The following PLIN3 variants were observed in gnomAD, a reference collection of about 807,000 sequenced individuals.
PLIN3 encodes the protein perilipin 3.
Under a neutral mutation model 35.9 loss-of-function variants are expected in PLIN3, and 30 were observed. That is an observed-to-expected ratio of 0.84 (90% confidence interval 0.62 to 1.13). The LOEUF (loss-of-function observed/expected upper bound fraction) is 1.13. Among genes scored for constraint, PLIN3 ranks in the 50% most tolerant of loss-of-function variants. The probability of loss-of-function intolerance (pLI) is 0.00; values close to 1 mark genes in which losing one functional copy is unlikely to be tolerated. For missense variants in PLIN3, 603 were observed against 596.9 expected, an observed-to-expected ratio of 1.01 and a Z score of -0.11; for synonymous variants, 261 against 262.5, an observed-to-expected ratio of 0.99 and a Z score of 0.06.
chr19:4,839,167 G>A lies in PLIN3; in HGVS notation c.*25C>T. 1 of 1,555,626 alleles carries A rather than the reference G, an allele frequency of 6.4e-7. No individual in the cohort carries two copies. The highest frequency in any genetic ancestry group is 1.2e-5 in the South Asian group (1 of 85,718). ...AGCACAGCTGCATTATAGAGACGGG[G>A]CCCGCTGAGTCCTCTCCTCTCCCCC... On this transcript the variant is annotated 3_prime_UTR_variant, in exon 8 of 8. Transcript: ENST00000221957.
intron 7 of PLIN3, 105 bp downstream of exon 7, chr19:4,844,563 G>T (rs2030018736): frequency 8.0e-7 from 1 of 1,253,392 alleles, no homozygotes; most frequent in African/African-American, 1.5e-5. Flanking sequence ...AGCAGGTGAG[G>T]CTAGGGAAAT....
chr19:4,859,636 T>C lies in PLIN3; in HGVS notation c.302A>G (p.Asp101Gly). ...SASEYAHRGL[D>G]KLEENLPILQ... is the part of the protein sequence containing the mutation. The stretch of plus-strand genomic sequence containing the variant: ...GATGGGGAGGTTCTCCTCCAACTTG[T>C]CCAGCCCCCTGTGGGCGTATTCGCT... Residue 101 changes from aspartate (D) to glycine (G), a missense_variant, in exon 4 of 8, where the codon GAC becomes GGC. Transcript: ENST00000221957. 1 of 1,614,138 alleles carries C rather than the reference T, an allele frequency of 6.2e-7. No individual in the cohort carries two copies. The highest frequency in any genetic ancestry group is 8.5e-7 in the Non-Finnish European group (1 of 1,180,016).
chr19:4,839,427 T>C lies in PLIN3; in HGVS notation c.1070A>G (p.Asp357Gly), dbSNP rs2146192546. 1 of 1,604,708 alleles carries C rather than the reference T, an allele frequency of 6.2e-7. No individual in the cohort carries two copies. The highest frequency in any genetic ancestry group is 2.2e-5 in the East Asian group (1 of 44,626). ...SIQGLPTNVK[D>G]QVQQARRQVE... is the part of the protein sequence containing the mutation. Reference sequence around the variant, plus strand: ...CTGGCGGCGGGCCTGCTGCACCTGGTCCTTCACATTGGTGGGGAGGCCCTG... The same window carrying C: ...CTGGCGGCGGGCCTGCTGCACCTGGCCCTTCACATTGGTGGGGAGGCCCTG... Residue 357 changes from aspartate to glycine, a missense_variant, in exon 8 of 8, where the codon GAC becomes GGC. Coordinates refer to ENST00000221957, the MANE Select transcript of PLIN3 (RefSeq NM_005817.5).
At chr19:4,866,936 CAGAG>C (rs2030878032) in intron 1 of PLIN3, 1 of 152,762 alleles carries the variant, frequency 6.5e-6, no homozygotes, top group African/African-American at 2.4e-5. Context: ...CCAGCAACTT[CAGAG>C]CATGCTAAGA....
chr19:4,855,977 G>A (rs1240487313), intron 4 of PLIN3, among the ~76,000 whole-genome samples: 1 of 150,834 alleles, frequency 6.6e-6, no homozygotes, highest in African/African-American at 2.4e-5. Flanking sequence ...TCCCAGCTAA[G>A]GCCATTTCTG....
At chr19:4,841,604 TAA>T (rs370959554) in intron 7 of PLIN3, among the ~76,000 whole-genome samples, 2 of 140,842 alleles carry the variant, frequency 1.4e-5, no homozygotes. Flanking sequence ...ATAAAACTGT[TAA>T]AAAAAAAAAA....
In PLIN3 at chr19:4,859,954, T is replaced by C. The variant is rs1446345190; in HGVS notation, c.137A>G (p.Tyr46Cys). Residue 46 changes from tyrosine to cysteine, a missense_variant, in exon 3 of 8, where the codon TAT becomes TGT. Physicochemically the swap from Tyr to Cys is radical, Grantham distance 194 (BLOSUM62 -2). Coordinates refer to ENST00000221957, the MANE Select transcript of PLIN3 (RefSeq NM_005817.5). ...SSTCDMVSAA[Y>C]ASTKESYPHI... is the part of the protein sequence containing the mutation. Reference sequence around the variant, plus strand: ...CGGGTAGCTCTCCTTGGTGGAGGCATAGGCTGCGGACACCATGTCGCAGGT... The same window carrying C: ...CGGGTAGCTCTCCTTGGTGGAGGCACAGGCTGCGGACACCATGTCGCAGGT... The C allele has an allele frequency of 1.2e-6, 2 of 1,614,050 alleles. No homozygotes were observed. The highest frequency in any genetic ancestry group is 1.7e-5 in the Admixed American group (1 of 59,978).
intron 1 of PLIN3, among the ~76,000 whole-genome samples, chr19:4,865,633 G>C (rs1169341959): frequency 1.3e-5 from 2 of 151,844 alleles, no homozygotes; most frequent in Non-Finnish European, 2.9e-5. Flanking sequence ...TGGTGGCCTT[G>C]CTTCGATGTC....
intron 1 of PLIN3, among the ~76,000 whole-genome samples, chr19:4,864,798 G>A (rs1194473420): frequency 6.6e-6 from 1 of 152,136 alleles, no homozygotes. Flanking sequence ...CATCAGAAGA[G>A]ATTCTCAGGG....
intron 2 of PLIN3, among the ~76,000 whole-genome samples, chr19:4,860,682 T>C (rs999317846): frequency 2.0e-5 from 3 of 152,034 alleles, no homozygotes; most frequent in African/African-American, 7.2e-5. Flanking sequence ...ATTTTAATTA[T>C]TTTTGGGGCC....
At chr19:4,842,166 C>T (rs1466717587) in intron 7 of PLIN3, among the ~76,000 whole-genome samples, 3 of 151,858 alleles carry the variant, frequency 2.0e-5, no homozygotes, top group African/African-American at 7.3e-5. Context: ...GTGGGTCAGG[C>T]CTGTAATCCC....
chr19:4,850,757 G>T (rs1195620697), intron 5 of PLIN3, among the ~76,000 whole-genome samples: 3 of 151,462 alleles, frequency 2.0e-5, no homozygotes, highest in Middle Eastern at 3.2e-3. Flanking sequence ...TTTTAGTAGA[G>T]ACCGGGTTTC....
rs780187435 is a variant in PLIN3, at chr19:4,852,009, CACTT to C, written c.634+3_634+6del. The C allele has an allele frequency of 1.4e-5, 23 of 1,611,978 alleles. No individual in the cohort carries two copies. The highest frequency in any genetic ancestry group is 8.5e-7 in the Non-Finnish European group (1 of 1,179,012). On this transcript the variant is annotated splice_donor_5th_base_variant and intron_variant, in intron 5 of 7. Transcript: ENST00000221957. ...GGGTCCCAGAGCAGCCCGCTGGCCA[CACTT>C]ACCCAGTTCGGCATCCGTAAGGGGC... is the stretch of plus-strand genomic sequence containing the variant.
chr19:4,855,470 C>G lies in PLIN3; in HGVS notation c.349-3169G>C, dbSNP rs891737406. 3.9e-5 allele frequency among the ~76,000 whole-genome samples: 6 copies of G among 152,076 alleles called. 1 individual carries two copies. Among genetic ancestry groups the G allele is most frequent in the Admixed American group, 2.0e-4 (3 of 15,238 alleles). ...CTCAGCAGTTTCCATCCCCCCTCAG[C>G]CAAGCCCACTATTGGCCTTTGCTGA... On this transcript the variant is annotated intron_variant, in intron 4 of 7. Transcript: ENST00000221957.
At chr19:4,853,754 A>G (rs1311828297) in intron 4 of PLIN3, among the ~76,000 whole-genome samples, 1 of 151,758 alleles carries the variant, frequency 6.6e-6, no homozygotes, top group Admixed American at 6.6e-5. Flanking sequence ...TGGAGTTTGC[A>G]GTGAGCCGAG....
chr19:4,849,359 G>T (rs939179362), intron 5 of PLIN3, among the ~76,000 whole-genome samples: 1 of 152,100 alleles, frequency 6.6e-6, no homozygotes, highest in South Asian at 2.1e-4. Context: ...CCAGGCTGGA[G>T]TGCAGCGGTG....
chr19:4,848,733 G>A (rs1178500388), intron 5 of PLIN3, among the ~76,000 whole-genome samples: 2 of 152,158 alleles, frequency 1.3e-5, no homozygotes, highest in Admixed American at 6.6e-5. Flanking sequence ...CAGGCGTGAT[G>A]GCACTAGCCT....
chr19:4,855,106 TG>T (rs1352569009), intron 4 of PLIN3, among the ~76,000 whole-genome samples: 1 of 151,502 alleles, frequency 6.6e-6, no homozygotes, highest in East Asian at 1.9e-4. Flanking sequence ...AAAAATTTGC[TG>T]GGCGTAGTGA....
chr19:4,848,133 G>A (rs1273676975), intron 5 of PLIN3, among the ~76,000 whole-genome samples: 5 of 152,072 alleles, frequency 3.3e-5, no homozygotes, highest in Admixed American at 6.6e-5. Flanking sequence ...ACAGGCGCCC[G>A]CCACCATGCC....
Sources: gnomAD v4.1 joint callset for allele counts (sites outside exome capture counted in the v4.1 genomes callset) on GRCh38, gnomAD v4.1.1 for gene constraint, MANE v1.5 for transcripts, NCBI Gene and HGNC (gene_info 2026-07-23, HGNC 2026-07-21) for gene names.